The following MAPK10 variants were observed in gnomAD, a reference collection of about 807,000 sequenced individuals.
The protein encoded by MAPK10 is mitogen-activated protein kinase 10, also known as JNK3 alpha protein kinase.
MAPK10 carries 25 observed loss-of-function variants against 59.3 expected under a neutral mutation model. The observed-to-expected ratio is 0.42, with a 90% CI of 0.31 to 0.59. The LOEUF (loss-of-function observed/expected upper bound fraction) is 0.59, where lower values mean the gene tolerates loss of function less well. Among genes scored for constraint, MAPK10 ranks in the 20% least tolerant of loss-of-function variants. MAPK10 has a pLI of 0.15. For missense variants in MAPK10, 351 were observed against 568.9 expected (o/e 0.62, Z 3.90); for synonymous variants, 190 against 200.5 (o/e 0.95, Z 0.44).
chr4:86,491,034 G>C (rs1754417000), intron 1 of MAPK10, among the ~76,000 whole-genome samples: 1 of 152,164 alleles, frequency 6.6e-6, no homozygotes, highest in Non-Finnish European at 1.5e-5. Flanking sequence ...TAGTTAGCTT[G>C]TTTGTTTTGT....
At chr4:86,491,005 C>T (rs1579383332) in intron 1 of MAPK10, among the ~76,000 whole-genome samples, 1 of 152,212 alleles carries the variant, frequency 6.6e-6, no homozygotes, top group Non-Finnish European at 1.5e-5. Context: ...GCTAAATTCC[C>T]TCAGTCCTCA....
At chr4:86,104,600 C>G (rs2056204819) in intron 5 of MAPK10, among the ~76,000 whole-genome samples, 1 of 151,976 alleles carries the variant, frequency 6.6e-6, no homozygotes, top group Non-Finnish European at 1.5e-5. Flanking sequence ...ACTGTGTATA[C>G]AGCACACATT....
At chr4:86,289,237 G>A (rs149282557) in intron 2 of MAPK10, among the ~76,000 whole-genome samples, 53 of 152,270 alleles carry the variant, frequency 3.5e-4, no homozygotes, top group African/African-American at 1.2e-3. Flanking sequence ...TGCCAGGGAA[G>A]GTTATGTCTT....
At chr4:86,443,184 C>A (rs193060369) in intron 1 of MAPK10, among the ~76,000 whole-genome samples, 147 of 152,002 alleles carry the variant, frequency 9.7e-4, no homozygotes, top group South Asian at 7.9e-3. Flanking sequence ...GATGCCCAAA[C>A]TTTTGCAATT....
chr4:86,228,094 AGGATT>A (rs1412643374), intron 2 of MAPK10, among the ~76,000 whole-genome samples: 1 of 152,228 alleles, frequency 6.6e-6, no homozygotes, highest in Non-Finnish European at 1.5e-5. Flanking sequence ...AAGTAAGCTT[AGGATT>A]GGATAGCTTG....
intron 1 of MAPK10, among the ~76,000 whole-genome samples, chr4:86,397,381 TCTGA>T (rs1393114064): frequency 1.3e-5 from 2 of 152,096 alleles, no homozygotes; most frequent in Non-Finnish European, 2.9e-5. Context: ...CTCCATGGAG[TCTGA>T]CTATTGCAAA....
At chr4:86,297,299 TG>T (rs1483135352) in intron 2 of MAPK10, among the ~76,000 whole-genome samples, 1 of 152,014 alleles carries the variant, frequency 6.6e-6, no homozygotes, top group Non-Finnish European at 1.5e-5. Context: ...ATAGAGTTTT[TG>T]TTTGTTTGTT....
intron 1 of MAPK10, among the ~76,000 whole-genome samples, chr4:86,522,408 T>G (rs1169344019): frequency 6.6e-6 from 1 of 152,130 alleles, no homozygotes; most frequent in Admixed American, 6.6e-5. Context: ...AATTTTCATG[T>G]TCAAGAGTTG....
At chr4:86,262,498 T>A (rs991744615) in intron 2 of MAPK10, among the ~76,000 whole-genome samples, 10 of 152,148 alleles carry the variant, frequency 6.6e-5, no homozygotes, top group African/African-American at 2.2e-4. Context: ...GAATAATACA[T>A]AAGTAATTAA....
At chr4:86,167,858 G>A (rs780997162) in intron 3 of MAPK10, among the ~76,000 whole-genome samples, 2 of 152,104 alleles carry the variant, frequency 1.3e-5, no homozygotes, top group Non-Finnish European at 2.9e-5. Flanking sequence ...ATTAAACATA[G>A]CAATGGAATT....
chr4:86,389,143 G>A (rs1463927614), intron 1 of MAPK10, among the ~76,000 whole-genome samples: 1 of 152,024 alleles, frequency 6.6e-6, no homozygotes, highest in Non-Finnish European at 1.5e-5. Context: ...ACAAGATCTG[G>A]TTGTTTAAAA....
At chr4:86,577,692 A>G (rs1185995203) in intron 1 of MAPK10, among the ~76,000 whole-genome samples, 1 of 152,196 alleles carries the variant, frequency 6.6e-6, no homozygotes, top group Non-Finnish European at 1.5e-5. Flanking sequence ...AGCCCAAGAA[A>G]ATTAATATAA....
At chr4:86,180,468 A>G (rs1298707935) in intron 3 of MAPK10, among the ~76,000 whole-genome samples, 2 of 149,912 alleles carry the variant, frequency 1.3e-5, no homozygotes, top group Non-Finnish European at 3.0e-5. Context: ...TGATCCAGCA[A>G]TCCCACTACT....
chr4:86,380,175 T>C (rs1740468589), intron 1 of MAPK10, among the ~76,000 whole-genome samples: 2 of 152,012 alleles, frequency 1.3e-5, no homozygotes, highest in Non-Finnish European at 1.5e-5. Context: ...TGGGCCAAGA[T>C]TGCACCATTG....
chr4:86,092,631 ATAT>A (rs1202358615), intron 9 of MAPK10, among the ~76,000 whole-genome samples: 6 of 151,896 alleles, frequency 4.0e-5, no homozygotes, highest in Admixed American at 6.6e-5. Context: ...ATATATATAT[ATAT>A]ATATTGCTAA....
chr4:86,412,981 C>T (rs939444842), intron 1 of MAPK10, among the ~76,000 whole-genome samples: 4 of 152,160 alleles, frequency 2.6e-5, no homozygotes, highest in African/African-American at 4.8e-5. Context: ...GGAGAAGAGG[C>T]GCTCCGGTTT....
chr4:86,245,774 C>G (rs1244775515), intron 2 of MAPK10, among the ~76,000 whole-genome samples: 4 of 152,220 alleles, frequency 2.6e-5, no homozygotes, highest in Non-Finnish European at 5.9e-5. Context: ...AAAACCAGTT[C>G]TGCCACCAAC....
chr4:86,565,410 G>A (rs567652954), intron 1 of MAPK10, among the ~76,000 whole-genome samples: 6 of 152,078 alleles, frequency 3.9e-5, no homozygotes, highest in Admixed American at 1.3e-4. Flanking sequence ...TTCTTACACC[G>A]TTGTAGTCTA....
intron 1 of MAPK10, among the ~76,000 whole-genome samples, chr4:86,542,273 G>A (rs1429305234): frequency 6.6e-6 from 1 of 152,192 alleles, no homozygotes; most frequent in Non-Finnish European, 1.5e-5. Flanking sequence ...CTGTTGGGCA[G>A]TGTGTTATAA....
Sources: allele counts gnomAD v4.1 joint callset (sites outside exome capture counted in the v4.1 genomes callset), GRCh38; gene constraint gnomAD v4.1.1; transcripts MANE v1.5; gene names NCBI Gene and HGNC (gene_info 2026-07-23, HGNC 2026-07-21).